The following MALRD1 variants were observed in gnomAD, a reference collection of about 807,000 sequenced individuals.
The protein encoded by MALRD1 is MAM and LDL-receptor class A domain-containing protein 1.
MALRD1 carries 247 observed loss-of-function variants against 242.1 expected under a neutral mutation model. The ratio of observed to expected loss-of-function variants is 1.02; its 90% CI spans 0.92 to 1.13. The LOEUF is 1.13. MALRD1 is among the 50% of genes most tolerant of loss of function. The probability of loss-of-function intolerance (pLI) is 0.00; values close to 1 mark genes in which losing one functional copy is unlikely to be tolerated. For missense variants in MALRD1, 2,989 were observed against 2,533.1 expected, an observed-to-expected ratio of 1.18 and a Z score of -3.86; for synonymous variants, 995 against 866.6, an observed-to-expected ratio of 1.15 and a Z score of -2.60.
intron 38 of MALRD1, among the ~76,000 whole-genome samples, chr10:19,692,875 A>ATG (rs1833160934): frequency 3.1e-5 from 1 of 32,012 alleles, no homozygotes; most frequent in Non-Finnish European, 9.6e-5. Context: ...AATTATATAT[A>ATG]TATATATATA....
At chr10:19,539,801 G>A (rs1396868722) in intron 32 of MALRD1, among the ~76,000 whole-genome samples, 3 of 149,756 alleles carry the variant, frequency 2.0e-5, no homozygotes, top group East Asian at 2.0e-4. Context: ...ATCCTCCCAC[G>A]TCAGCCTCCC....
chr10:19,705,452 G>A (rs1833818642), intron 38 of MALRD1, among the ~76,000 whole-genome samples: 1 of 152,052 alleles, frequency 6.6e-6, no homozygotes, highest in African/African-American at 2.4e-5. Flanking sequence ...ATGTGCCTTC[G>A]CCTACAAGAA....
At chr10:19,095,823 A>C (rs1836008092) in intron 4 of MALRD1, among the ~76,000 whole-genome samples, 1 of 152,176 alleles carries the variant, frequency 6.6e-6, no homozygotes, top group Non-Finnish European at 1.5e-5. Context: ...TGTTGTCTCA[A>C]CAACGACAAC....
At chr10:19,237,309 G>A (rs1223244664) in intron 18 of MALRD1, among the ~76,000 whole-genome samples, 1 of 150,230 alleles carries the variant, frequency 6.7e-6, no homozygotes, top group Admixed American at 6.7e-5. Flanking sequence ...CTTCCTCACT[G>A]TTTGGTAACC....
In MALRD1 at chr10:19,209,672, C is replaced by T. The variant is rs200935166; in HGVS notation, c.2983C>T (p.Pro995Ser). The T allele has an allele frequency of 2.5e-4, 381 of 1,546,832 alleles. No individual in the cohort carries two copies. Among genetic ancestry groups the T allele is most frequent in the Non-Finnish European group, 3.1e-4 (354 of 1,145,034 alleles). The change falls in exon 18 of 40, where the codon CCC (proline) becomes TCC (serine). Residue 995 changes from proline to serine, a missense_variant. Physicochemically the swap from Pro to Ser is moderately conservative, Grantham distance 74. Transcript: ENST00000454679. ...ACACCTCAACATTTCCAGCAGGCAGCCCTTTCAGGTATGGATAATAGATTT... is the reference window on the plus strand; with the variant it reads ...ACACCTCAACATTTCCAGCAGGCAGTCCTTTCAGGTATGGATAATAGATTT... ...RKHLNISSRQ[P>S]FQILVEASVG... is the part of the protein sequence containing the mutation.
chr10:19,453,022 T>G (rs972225285), intron 29 of MALRD1, among the ~76,000 whole-genome samples: 4 of 152,214 alleles, frequency 2.6e-5, no homozygotes, highest in Non-Finnish European at 5.9e-5. Flanking sequence ...TGTGAAGTTC[T>G]TTGAACAGTC....
chr10:19,230,681 CT>C (rs921460264), intron 18 of MALRD1, among the ~76,000 whole-genome samples: 23 of 152,134 alleles, frequency 1.5e-4, no homozygotes, highest in African/African-American at 5.3e-4. Flanking sequence ...GGATCTTTAG[CT>C]GTTCCAGGTT....
intron 32 of MALRD1, among the ~76,000 whole-genome samples, chr10:19,554,782 C>T (rs1835643301): frequency 6.6e-6 from 1 of 152,062 alleles, no homozygotes; most frequent in Admixed American, 6.6e-5. Context: ...TTTTTTGTAC[C>T]ACATTTTCTT....
chr10:19,330,954 T>G lies in MALRD1; in HGVS notation c.3688-415T>G, dbSNP rs1273334223. The stretch of plus-strand genomic sequence containing the variant: ...GATGAATGACAAGAATTGAGCAAAA[T>G]AAAGAATCTACTTGTATCTTTTCAC... On this transcript the variant is annotated intron_variant, in intron 23 of 39. Transcript: ENST00000454679. 2.0e-5 allele frequency among the ~76,000 whole-genome samples: 3 copies of G among 152,124 alleles called. No individual in the cohort carries two copies. In the East Asian group the frequency reaches 5.8e-4, roughly 29 times the overall value.
At chr10:19,612,763 G>A (rs578112525) in intron 35 of MALRD1, among the ~76,000 whole-genome samples, 4 of 151,944 alleles carry the variant, frequency 2.6e-5, no homozygotes, top group African/African-American at 4.8e-5. Flanking sequence ...GAGAGAGAAC[G>A]GGAAGTGCTA....
chr10:19,136,109 AC>A (rs1441702336), intron 9 of MALRD1, among the ~76,000 whole-genome samples: 4 of 152,168 alleles, frequency 2.6e-5, no homozygotes, highest in East Asian at 3.9e-4. Flanking sequence ...GTATTCAAAT[AC>A]TAATTTCACT....
At position 19,347,870 on chromosome 10, in the gene MALRD1, C is replaced by A; in HGVS notation, c.4001C>A (p.Pro1334His). The change falls in exon 25 of 40, where the codon CCT (proline) becomes CAT (histidine). Residue 1334 changes from proline (P) to histidine (H), a missense_variant. By Grantham distance (77) the Pro-to-His change is moderately conservative. Transcript: ENST00000454679. ...TGGAACCTGAAAGCTAGCAGCATCC[C>A]TGCAGCAGGCACAGAGCCAGCAGCA... ...FDWNLKASSIPAAGTEPAADH... is the reference protein window; with the variant it reads ...FDWNLKASSIHAAGTEPAADH... 6.5e-7 allele frequency: 1 copy of A among 1,550,384 alleles called. No individual in the cohort carries two copies.
At chr10:19,125,035 T>G (rs1837208245) in intron 7 of MALRD1, among the ~76,000 whole-genome samples, 1 of 110,566 alleles carries the variant, frequency 9.0e-6, no homozygotes, top group South Asian at 3.3e-4. Context: ...AACCCCCGCC[T>G]CCTGGGTTCA....
intron 4 of MALRD1, 116 bp downstream of exon 4, chr10:19,088,301 TC>T (rs1168421628): frequency 1.9e-5 from 18 of 937,056 alleles, no homozygotes; most frequent in Middle Eastern, 2.8e-4. Context: ...CTGAGGGATT[TC>T]CCAGGACTTT....
chr10:19,714,751 G>T (rs539697286), intron 38 of MALRD1, among the ~76,000 whole-genome samples: 1 of 152,238 alleles, frequency 6.6e-6, no homozygotes, highest in Non-Finnish European at 1.5e-5. Flanking sequence ...GGAACGTGAA[G>T]ATCATGAGGC....
chr10:19,495,546 A>G (rs531389490), intron 30 of MALRD1, among the ~76,000 whole-genome samples: 77 of 152,302 alleles, frequency 5.1e-4, no homozygotes, highest in Non-Finnish European at 9.3e-4. Context: ...CAGACAAGCA[A>G]ATGCTGAGAT....
At chr10:19,184,843 T>C (rs1434265666) in intron 14 of MALRD1, among the ~76,000 whole-genome samples, 1 of 152,218 alleles carries the variant, frequency 6.6e-6, no homozygotes, top group African/African-American at 2.4e-5. Flanking sequence ...CTGCCATGCC[T>C]GGCCTAAATT....
At chr10:19,500,982 A>G (rs572259248) in intron 31 of MALRD1, among the ~76,000 whole-genome samples, 1 of 152,226 alleles carries the variant, frequency 6.6e-6, no homozygotes, top group Non-Finnish European at 1.5e-5. Flanking sequence ...TAGATGGCTT[A>G]TTAGAAGTTA....
At chr10:19,062,154 A>C (rs897380864) in intron 1 of MALRD1, among the ~76,000 whole-genome samples, 1 of 152,202 alleles carries the variant, frequency 6.6e-6, no homozygotes, top group Non-Finnish European at 1.5e-5. Flanking sequence ...AATGTCCAAT[A>C]AGCACATGAA....
Sources: allele counts gnomAD v4.1 joint callset (sites outside exome capture counted in the v4.1 genomes callset), GRCh38; gene constraint gnomAD v4.1.1; transcripts MANE v1.5; gene names NCBI Gene and HGNC (gene_info 2026-07-23, HGNC 2026-07-21).